DRC8: variants seen among roughly 807,000 people sequenced by gnomAD.
DRC8 encodes dynein regulatory complex subunit 8, also known as dynein regulatory complex protein 8.
At chr1:245,034,540 G>T in the DRC8 span, among the ~76,000 whole-genome samples, 2 of 138,702 alleles carry the variant, frequency 1.4e-5, no homozygotes, top group Non-Finnish European at 3.0e-5. Context: ...GGCAGAGGTT[G>T]CAGTGAGCCA....
the DRC8 span, among the ~76,000 whole-genome samples, chr1:245,010,681 C>CTT: frequency 0.11 from 14,306 of 127,060 alleles, 1,057 homozygotes; most frequent in East Asian, 0.21. Context: ...CTTTTTCTTT[C>CTT]TTTTTTTTTT....
At chr1:245,067,108 A>T in the DRC8 span, among the ~76,000 whole-genome samples, 1 of 152,102 alleles carries the variant, frequency 6.6e-6, no homozygotes, top group Non-Finnish European at 1.5e-5. Context: ...TCCATGAATG[A>T]CTGCAATGGC....
the DRC8 span, chr1:244,970,420 T>C: frequency 1.7e-5 from 26 of 1,537,814 alleles, no homozygotes; most frequent in African/African-American, 3.2e-4. Context: ...CGCAGCAAGA[T>C]GGCGGACGAG....
At chr1:244,990,375 GGA>G in the DRC8 span, among the ~76,000 whole-genome samples, 1 of 152,138 alleles carries the variant, frequency 6.6e-6, no homozygotes, top group Non-Finnish European at 1.5e-5. Context: ...TATGAATAGG[GGA>G]AAACATAGTA....
the DRC8 span, among the ~76,000 whole-genome samples, chr1:245,004,623 G>A: frequency 4.6e-5 from 7 of 152,240 alleles, no homozygotes; most frequent in Admixed American, 2.6e-4. Context: ...TGGCATCTGT[G>A]CTATAAACTT....
At chr1:245,021,816 A>G in the DRC8 span, among the ~76,000 whole-genome samples, 43 of 152,282 alleles carry the variant, frequency 2.8e-4, no homozygotes, top group South Asian at 8.9e-3. Flanking sequence ...TGCTGTATGT[A>G]ACAAAACTCT....
the DRC8 span, chr1:245,123,150 GT>G: frequency 4.6e-5 from 7 of 152,328 alleles, no homozygotes; most frequent in East Asian, 1.4e-3. The surrounding 1 kb of genome is among the most constrained non-coding windows in gnomAD (Gnocchi z 5.0). Context: ...AGGGATTACA[GT>G]TCCAGCAGTC....
chr1:245,084,184 T>C, the DRC8 span, among the ~76,000 whole-genome samples: 1 of 147,038 alleles, frequency 6.8e-6, no homozygotes, highest in Non-Finnish European at 1.5e-5. Context: ...TGGGTTCAAG[T>C]GATTCTCCTG....
At chr1:245,084,465 A>T in the DRC8 span, among the ~76,000 whole-genome samples, 2 of 152,178 alleles carry the variant, frequency 1.3e-5, no homozygotes, top group Non-Finnish European at 2.9e-5. Flanking sequence ...ATGTTAATTG[A>T]ACCATATATA....
the DRC8 span, among the ~76,000 whole-genome samples, chr1:245,084,070 C>CG: frequency 1.1e-4 from 13 of 119,176 alleles, 2 homozygotes; most frequent in African/African-American, 3.8e-4. Context: ...CCGCCCCCCC[C>CG]CCGGCGCCCC....
chr1:245,075,079 T>C, the DRC8 span, among the ~76,000 whole-genome samples: 4 of 152,212 alleles, frequency 2.6e-5, no homozygotes, highest in Non-Finnish European at 5.9e-5. Flanking sequence ...TATTGACTGA[T>C]TGTTATGTCA....
At chr1:245,120,397 G>T in the DRC8 span, among the ~76,000 whole-genome samples, 1 of 152,170 alleles carries the variant, frequency 6.6e-6, no homozygotes, top group East Asian at 1.9e-4. Flanking sequence ...TTGCGTGAAT[G>T]TGCCATATTT....
At chr1:244,986,409 G>T in the DRC8 span, among the ~76,000 whole-genome samples, 1 of 152,200 alleles carries the variant, frequency 6.6e-6, no homozygotes, top group Non-Finnish European at 1.5e-5. Context: ...ATTGTGGCTG[G>T]AATGGAGACA....
chr1:245,017,797 C>T, the DRC8 span, among the ~76,000 whole-genome samples: 1 of 152,054 alleles, frequency 6.6e-6, no homozygotes, highest in African/African-American at 2.4e-5. Context: ...CATAAAAAGG[C>T]AAGAGAAGAC....
At chr1:245,100,713 T>C in the DRC8 span, among the ~76,000 whole-genome samples, 1 of 150,990 alleles carries the variant, frequency 6.6e-6, no homozygotes, top group South Asian at 2.1e-4. Context: ...CCTTGGGAGG[T>C]TGAGGCTGCA....
At chr1:245,051,230 G>GA in the DRC8 span, among the ~76,000 whole-genome samples, 86 of 144,742 alleles carry the variant, frequency 5.9e-4, no homozygotes, top group Middle Eastern at 3.5e-3. Flanking sequence ...TCTCTATTAA[G>GA]AAAAAAAAAA....
At chr1:244,985,764 G>A in the DRC8 span, among the ~76,000 whole-genome samples, 16 of 151,234 alleles carry the variant, frequency 1.1e-4, no homozygotes, top group Middle Eastern at 3.4e-3. Flanking sequence ...CTTGGGAGGC[G>A]GAGGCATGAG....
At chr1:245,109,941 A>T in the DRC8 span, among the ~76,000 whole-genome samples, 252 of 152,268 alleles carry the variant, frequency 1.7e-3, no homozygotes, top group African/African-American at 5.6e-3. Context: ...TTTTATGTGG[A>T]TGTCTTTATT....
At chr1:245,024,149 G>A in the DRC8 span, among the ~76,000 whole-genome samples, 1 of 152,092 alleles carries the variant, frequency 6.6e-6, no homozygotes, top group Non-Finnish European at 1.5e-5. Context: ...CAGCCTGTGC[G>A]GCTGAGCGAG....
Sources: allele counts gnomAD v4.1 joint callset (sites outside exome capture counted in the v4.1 genomes callset), GRCh38; gene constraint gnomAD v4.1.1; non-coding constraint Gnocchi (gnomAD v3.1); transcripts MANE v1.5; gene names NCBI Gene and HGNC (gene_info 2026-07-23, HGNC 2026-07-21).